EXOC4: variants seen among roughly 807,000 people sequenced by gnomAD.
EXOC4 encodes exocyst complex component 4.
In EXOC4, 71 loss-of-function variants were observed where a neutral mutation model predicts 107.2. That is an observed-to-expected ratio of 0.66 (90% CI 0.55 to 0.81). The LOEUF is 0.81. Among genes scored for constraint, EXOC4 ranks in the 30% least tolerant of loss-of-function variants. EXOC4 has a pLI of 0.00. For synonymous variants in EXOC4, 456 were observed against 441.2 expected (o/e 1.03, Z -0.42); for missense variants, 1,108 against 1,189.6 (o/e 0.93, Z 1.01).
At chr7:134,031,042 C>T (rs1410215058) in intron 17 of EXOC4, among the ~76,000 whole-genome samples, 1 of 152,136 alleles carries the variant, frequency 6.6e-6, no homozygotes, top group Non-Finnish European at 1.5e-5. Context: ...CAATTTCATT[C>T]ATATGAAGGA....
chr7:133,615,649 G>A (rs997272552), intron 9 of EXOC4, among the ~76,000 whole-genome samples: 4 of 152,100 alleles, frequency 2.6e-5, no homozygotes, highest in Non-Finnish European at 4.4e-5. Context: ...GGTGCTTGGC[G>A]ATTGAGATAA....
At chr7:133,268,909 G>A (rs1793799821) in intron 1 of EXOC4, among the ~76,000 whole-genome samples, 1 of 152,162 alleles carries the variant, frequency 6.6e-6, no homozygotes, top group Non-Finnish European at 1.5e-5. Context: ...CTGTCTTAAT[G>A]AAAAATTCTT....
intron 11 of EXOC4, among the ~76,000 whole-genome samples, chr7:133,839,818 A>G (rs566315092): frequency 1.8e-4 from 27 of 152,318 alleles, no homozygotes; most frequent in Admixed American, 1.1e-3. Flanking sequence ...GAAAGTTTCT[A>G]ACAGTTCATG....
chr7:133,258,017 G>C (rs1187628175), intron 1 of EXOC4, among the ~76,000 whole-genome samples: 1 of 152,180 alleles, frequency 6.6e-6, no homozygotes, highest in Non-Finnish European at 1.5e-5. Flanking sequence ...TGGGTGAGGT[G>C]TTAATGTTCT....
chr7:133,462,302 T>C (rs1303518882), intron 7 of EXOC4, among the ~76,000 whole-genome samples: 1 of 152,190 alleles, frequency 6.6e-6, no homozygotes, highest in Non-Finnish European at 1.5e-5. Flanking sequence ...GTCAGCCTAC[T>C]GGTGGGGGAT....
At chr7:133,896,438 T>A (rs1440130884) in intron 12 of EXOC4, among the ~76,000 whole-genome samples, 1 of 152,202 alleles carries the variant, frequency 6.6e-6, no homozygotes, top group East Asian at 1.9e-4. Context: ...GAAGGATAGA[T>A]AGGTAAAGTG....
chr7:133,737,238 TC>T (rs1795463039), intron 10 of EXOC4, among the ~76,000 whole-genome samples: 1 of 152,180 alleles, frequency 6.6e-6, no homozygotes, highest in Non-Finnish European at 1.5e-5. Context: ...GTTCTATGGC[TC>T]CTTATTGACT....
At chr7:133,829,319 AG>A (rs1426884708) in intron 11 of EXOC4, among the ~76,000 whole-genome samples, 1 of 152,192 alleles carries the variant, frequency 6.6e-6, no homozygotes, top group Non-Finnish European at 1.5e-5. Context: ...TTTTTAGAGA[AG>A]GTGCATGTTC....
chr7:133,937,232 A>C (rs1430568293), intron 13 of EXOC4, among the ~76,000 whole-genome samples: 21 of 152,118 alleles, frequency 1.4e-4, no homozygotes, highest in Non-Finnish European at 4.4e-5. Flanking sequence ...CTCTGCGTGA[A>C]ACCCACTAGA....
chr7:133,834,263 A>G (rs1797871516), intron 11 of EXOC4, among the ~76,000 whole-genome samples: 1 of 152,062 alleles, frequency 6.6e-6, no homozygotes, highest in Non-Finnish European at 1.5e-5. Flanking sequence ...ACCAGACATT[A>G]TCAGTACTGG....
At chr7:133,444,282 G>C (rs1374145117) in intron 7 of EXOC4, among the ~76,000 whole-genome samples, 2 of 152,310 alleles carry the variant, frequency 1.3e-5, no homozygotes, top group Admixed American at 1.3e-4. Flanking sequence ...GGTAGCAAGT[G>C]GGGCTTGGCG....
At chr7:133,694,987 T>C (rs1429789181) in intron 10 of EXOC4, among the ~76,000 whole-genome samples, 2 of 152,142 alleles carry the variant, frequency 1.3e-5, no homozygotes, top group African/African-American at 2.4e-5. Context: ...CATGCCCGGC[T>C]AATTTTGTAT....
chr7:133,908,875 A>G (rs1799626346), intron 12 of EXOC4, among the ~76,000 whole-genome samples: 1 of 152,224 alleles, frequency 6.6e-6, no homozygotes, highest in Admixed American at 6.5e-5. Flanking sequence ...GCTGGGCTAC[A>G]TGTGCAGAAC....
chr7:133,287,307 A>G (rs1270067173), intron 2 of EXOC4, among the ~76,000 whole-genome samples: 3 of 151,844 alleles, frequency 2.0e-5, no homozygotes, highest in Non-Finnish European at 4.4e-5. Flanking sequence ...TATTATATAT[A>G]TATATATGTA....
intron 12 of EXOC4, among the ~76,000 whole-genome samples, chr7:133,916,138 A>T (rs1194973200): frequency 6.6e-6 from 1 of 152,258 alleles, no homozygotes; most frequent in Non-Finnish European, 1.5e-5. Flanking sequence ...ACCTCAGATC[A>T]TAAGACATTA....
chr7:133,889,414 CTAT>C lies in EXOC4; in HGVS notation c.1735-6174_1735-6172del, dbSNP rs199697028. ...CCACAGAGCTATTTTATTATTATTA[CTAT>C]TATTATTATTTTTTTTAATTATACT... is the stretch of plus-strand genomic sequence containing the variant. On this transcript the variant is annotated intron_variant, in intron 11 of 17. Transcript: ENST00000253861. 6.4e-4 allele frequency among the ~76,000 whole-genome samples: 88 copies of C among 137,066 alleles called. No homozygotes were observed. In the East Asian group the frequency reaches 6.8e-3, roughly 11 times the overall value. 89.9% of individuals were successfully genotyped at this position (137,066 alleles called of 152,430 possible).
At chr7:134,042,855 G>A (rs114277152) in intron 17 of EXOC4, among the ~76,000 whole-genome samples, 1,763 of 152,312 alleles carry the variant, frequency 0.012, 26 homozygotes, top group African/African-American at 0.04. Flanking sequence ...TGGCCAACAT[G>A]GCAAAACCCC....
intron 10 of EXOC4, among the ~76,000 whole-genome samples, chr7:133,788,799 C>A (rs888265954): frequency 2.0e-5 from 3 of 152,064 alleles, no homozygotes; most frequent in Admixed American, 2.0e-4. Flanking sequence ...AGAAACACTT[C>A]TCTTTCTTTT....
Position 133,495,362 on chromosome 7 carries a change from A to T in EXOC4, c.1417+15224A>T, listed in dbSNP as rs113911039. On this transcript the variant is annotated intron_variant, in intron 9 of 17. Transcript: ENST00000253861. ...CCTTAGTTTATTTATTAATATTATT[A>T]TTACACTTTAATTAGATTTCACTTA... Among the ~76,000 whole-genome samples, 317 of 151,976 alleles carry T rather than the reference A, an allele frequency of 2.1e-3. 2 individuals are homozygous for T. Among genetic ancestry groups the T allele is most frequent in the African/African-American group, 7.4e-3 (305 of 41,476 alleles).
Sources: gnomAD v4.1 joint callset for allele counts (sites outside exome capture counted in the v4.1 genomes callset) on GRCh38, gnomAD v4.1.1 for gene constraint, MANE v1.5 for transcripts, NCBI Gene and HGNC (gene_info 2026-07-23, HGNC 2026-07-21) for gene names.